The following SVOPL variants were observed in gnomAD, a reference collection of about 807,000 sequenced individuals.
SVOPL encodes putative transporter SVOPL.
In SVOPL, 60 loss-of-function variants were observed where a neutral mutation model predicts 61.0. The ratio of observed to expected loss-of-function variants is 0.98; its 90% CI spans 0.80 to 1.22. The LOEUF (loss-of-function observed/expected upper bound fraction) is 1.22, where lower values mean the gene tolerates loss of function less well. Ranked by LOEUF, SVOPL falls within the 50% of genes most tolerant of loss-of-function variation. The pLI, the probability that SVOPL is intolerant of heterozygous loss-of-function variation, is 0.00. For synonymous variants in SVOPL, 279 were observed against 250.0 expected (o/e 1.12, Z -1.09); for missense variants, 662 against 643.9 (o/e 1.03, Z -0.30).
chr7:138,648,726 G>A (rs1013636419), intron 8 of SVOPL, among the ~76,000 whole-genome samples: 1 of 150,812 alleles, frequency 6.6e-6, no homozygotes, highest in Non-Finnish European at 1.5e-5. Context: ...AGCCGAGGTC[G>A]CGGCACTGCA....
intron 14 of SVOPL, among the ~76,000 whole-genome samples, chr7:138,611,907 C>G (rs1426588258): frequency 9.4e-4 from 25 of 26,678 alleles, no homozygotes; most frequent in South Asian, 2.3e-3. Flanking sequence ...CCCAACAGCT[C>G]ATTGAGAACG....
intron 1 of SVOPL, among the ~76,000 whole-genome samples, chr7:138,695,428 C>T (rs964085175): frequency 1.3e-5 from 2 of 152,192 alleles, no homozygotes; most frequent in African/African-American, 4.8e-5. Flanking sequence ...GGGAGGATCA[C>T]CTGAGCCTGG....
chr7:138,673,456 A>T (rs1802479688), intron 3 of SVOPL, among the ~76,000 whole-genome samples: 1 of 152,164 alleles, frequency 6.6e-6, no homozygotes, highest in Non-Finnish European at 1.5e-5. Flanking sequence ...CAGGAGTTCG[A>T]GACCAGCCTG....
rs35593361 is a variant in SVOPL, at chr7:138,672,656, TAAAA to T, written c.175-543_175-540del. On this transcript the variant is annotated intron_variant, in intron 3 of 15. Transcript: ENST00000674285. Reference sequence around the variant, plus strand: ...GCAGGAAAGTGTTTTTTTTTGTGTTTAAAAAAAAAAAAAAAAAAAGAAGCAATGG... The same window carrying T: ...GCAGGAAAGTGTTTTTTTTTGTGTTTAAAAAAAAAAAAAAAGAAGCAATGG... 1.1e-3 allele frequency among the ~76,000 whole-genome samples: 127 copies of T among 118,826 alleles called. 1 individual carries two copies. The highest frequency in any genetic ancestry group is 3.9e-3 in the African/African-American group (118 of 30,038). The allele number at this position is 118,826 out of a possible 152,430, so 78.0% of individuals were successfully genotyped here. A position where few individuals can be genotyped will look rare whatever the true frequency, so the allele number is the denominator to read the frequency against.
chr7:138,636,505 AT>A (rs1800477066), intron 9 of SVOPL, among the ~76,000 whole-genome samples: 1 of 139,666 alleles, frequency 7.2e-6, no homozygotes, highest in Non-Finnish European at 1.5e-5. Context: ...GAGTTTCATT[AT>A]GTTGCCCAGG....
At chr7:138,637,123 G>A (rs1054753640) in intron 9 of SVOPL, among the ~76,000 whole-genome samples, 2 of 151,876 alleles carry the variant, frequency 1.3e-5, no homozygotes, top group Non-Finnish European at 2.9e-5. Context: ...TATAATGAAT[G>A]GATTATTCAA....
intron 9 of SVOPL, among the ~76,000 whole-genome samples, chr7:138,636,606 G>A (rs972481358): frequency 1.3e-5 from 2 of 151,912 alleles, no homozygotes; most frequent in African/African-American, 4.8e-5. Flanking sequence ...AAGTAGCTGG[G>A]ATTACAGGTG....
Position 138,659,930 on chromosome 7 carries a change from G to C in SVOPL, c.404C>G (p.Pro135Arg), listed in dbSNP as rs1389723839. 6.4e-7 allele frequency: 1 copy of C among 1,551,520 alleles called. No homozygotes were observed. The highest frequency in any genetic ancestry group is 1.4e-5 in the African/African-American group (1 of 73,088). ...AYFSLLTSFA[P>R]SYIWFVFLRT... Reference sequence around the variant, plus strand: ...CAGGAAGACAAACCAGATGTACGAAGGAGCAAACGAGGTCAGCAAGGAGAA... The same window carrying C: ...CAGGAAGACAAACCAGATGTACGAACGAGCAAACGAGGTCAGCAAGGAGAA... The change falls in exon 6 of 16, where the codon CCT becomes CGT. Residue 135 changes from proline to arginine, a missense_variant. Pro to Arg is a moderately radical substitution (Grantham distance 103, BLOSUM62 -2). Coordinates refer to ENST00000674285, the MANE Select transcript of SVOPL (RefSeq NM_001139456.2).
At chr7:138,599,158 C>CA (rs1563078186) in intron 14 of SVOPL, among the ~76,000 whole-genome samples, 34 of 100,858 alleles carry the variant, frequency 3.4e-4, no homozygotes, top group East Asian at 5.5e-4. Flanking sequence ...AAAAAAAAAA[C>CA]CAAAAAAAAA....
chr7:138,660,032 G>A (rs184733768), intron 5 of SVOPL, 44 bp from the exon 6 acceptor site: 25 of 1,546,854 alleles, frequency 1.6e-5, no homozygotes, highest in Admixed American at 1.4e-4. Context: ...GCCTCAATGC[G>A]GGGAGGGAAG....
chr7:138,634,238 A>G (rs2925746), intron 9 of SVOPL, among the ~76,000 whole-genome samples: 129,946 of 152,222 alleles, frequency 0.85, 55,765 homozygotes, highest in East Asian at 1. Flanking sequence ...CTGGTGCAGT[A>G]GCACACACCT....
intron 2 of SVOPL, 82 bp from the exon 3 acceptor site, chr7:138,678,607 C>A: frequency 7.3e-7 from 1 of 1,375,972 alleles, no homozygotes; most frequent in African/African-American, 1.5e-5. Flanking sequence ...GAAAGCCAAC[C>A]CATTATTATA....
Position 138,628,334 on chromosome 7 carries a change from A to T in SVOPL, c.893T>A (p.Val298Asp). The change falls in exon 11 of 16, where the codon GTT becomes GAT. Residue 298 changes from valine (V) to aspartate (D), a missense_variant. Transcript: ENST00000674285. ...CAGCAGCTCAGCACTGGCCAGGATA[A>T]CCCCATAGTAGGCAAAAGAGATTCC... ...WLGISFAYYG[V>D]ILASAELLER... The T allele has an allele frequency of 6.2e-7, 1 of 1,614,138 alleles. No homozygotes were observed. The highest frequency in any genetic ancestry group is 8.5e-7 in the Non-Finnish European group (1 of 1,180,046).
intron 14 of SVOPL, among the ~76,000 whole-genome samples, chr7:138,608,069 A>T (rs930524299): frequency 1.3e-5 from 2 of 152,226 alleles, no homozygotes; most frequent in African/African-American, 4.8e-5. Flanking sequence ...GACACATAGG[A>T]TCTATTTGAA....
At chr7:138,658,358 G>C (rs1801846962) in intron 6 of SVOPL, among the ~76,000 whole-genome samples, 1 of 152,074 alleles carries the variant, frequency 6.6e-6, no homozygotes. Flanking sequence ...ACTCCTAAAT[G>C]TTACAGGGGC....
At chr7:138,622,951 A>G (rs73731231) in intron 13 of SVOPL, among the ~76,000 whole-genome samples, 3,353 of 152,296 alleles carry the variant, frequency 0.022, 102 homozygotes, top group African/African-American at 0.071. Flanking sequence ...ACATTTTCTT[A>G]GTGCTATAAA....
chr7:138,687,103 C>T (rs1167491283), intron 1 of SVOPL, among the ~76,000 whole-genome samples: 1 of 152,010 alleles, frequency 6.6e-6, no homozygotes, highest in Non-Finnish European at 1.5e-5. Flanking sequence ...TCTCTCAGCC[C>T]ATCTGGGAGC....
At chr7:138,632,561 G>A (rs908889837) in intron 9 of SVOPL, among the ~76,000 whole-genome samples, 1 of 152,090 alleles carries the variant, frequency 6.6e-6, no homozygotes, top group Non-Finnish European at 1.5e-5. Context: ...GGATGAAGAG[G>A]GAAGGTGAAG....
At chr7:138,605,880 G>A (rs1416269915) in intron 14 of SVOPL, among the ~76,000 whole-genome samples, 3 of 152,118 alleles carry the variant, frequency 2.0e-5, no homozygotes, top group South Asian at 2.1e-4. Flanking sequence ...AGCAGCCTTC[G>A]GGTGTTTTCC....
Sources: gnomAD v4.1 joint callset for allele counts (sites outside exome capture counted in the v4.1 genomes callset) on GRCh38, gnomAD v4.1.1 for gene constraint, MANE v1.5 for transcripts, NCBI Gene and HGNC (gene_info 2026-07-23, HGNC 2026-07-21) for gene names.